Variants in SOX5 observed in about 807,000 individuals in gnomAD.
SOX5 encodes the protein transcription factor SOX-5.
In SOX5, 9 loss-of-function variants were observed where a neutral mutation model predicts 92.0. That is an observed-to-expected ratio of 0.10 (90% CI 0.06 to 0.17). The LOEUF (loss-of-function observed/expected upper bound fraction) is 0.17. Ranked by LOEUF, SOX5 falls within the 10% of genes least tolerant of loss-of-function variation. The pLI, the probability that SOX5 is intolerant of heterozygous loss-of-function variation, is 1.00. For missense variants in SOX5, 642 were observed against 944.5 expected, an observed-to-expected ratio of 0.68 and a Z score of 4.20; for synonymous variants, 344 against 336.3, an observed-to-expected ratio of 1.02 and a Z score of -0.25.
chr12:24,275,688 T>C (rs940638706), intron 3 of SOX5, among the ~76,000 whole-genome samples: 12 of 152,198 alleles, frequency 7.9e-5, no homozygotes, highest in African/African-American at 2.9e-4. Context: ...ACTGTTATGT[T>C]GGATCTGGAT....
At chr12:23,591,331 G>A (rs1951517525) in intron 9 of SOX5, among the ~76,000 whole-genome samples, 1 of 152,000 alleles carries the variant, frequency 6.6e-6, no homozygotes, top group South Asian at 2.1e-4. Flanking sequence ...ACATTAATCA[G>A]GTGTACATTT....
At chr12:23,681,468 T>C (rs1290257443) in intron 6 of SOX5, among the ~76,000 whole-genome samples, 3 of 151,838 alleles carry the variant, frequency 2.0e-5, no homozygotes, top group African/African-American at 4.8e-5. Flanking sequence ...AGAGATTGAA[T>C]ATTTTTAAAA....
At chr12:24,532,230 G>C (rs143580895) in intron 1 of SOX5, among the ~76,000 whole-genome samples, 5 of 152,186 alleles carry the variant, frequency 3.3e-5, no homozygotes, top group Non-Finnish European at 7.4e-5. Flanking sequence ...AAAAGATCTA[G>C]GTTTGGGTGG....
At chr12:24,089,705 CCT>C (rs1450974286) in intron 4 of SOX5, among the ~76,000 whole-genome samples, 1 of 152,134 alleles carries the variant, frequency 6.6e-6, no homozygotes, top group Non-Finnish European at 1.5e-5. Context: ...TATGTGCTTT[CCT>C]CTCTGGTCTA....
intron 2 of SOX5, among the ~76,000 whole-genome samples, chr12:24,288,174 T>A (rs1403310447): frequency 6.6e-6 from 1 of 152,184 alleles, no homozygotes; most frequent in African/African-American, 2.4e-5. Context: ...TTTATTGTGA[T>A]GACTTGGAGG....
chr12:24,512,985 T>C (rs1949460370), intron 1 of SOX5, among the ~76,000 whole-genome samples: 2 of 152,362 alleles, frequency 1.3e-5, no homozygotes, highest in Non-Finnish European at 1.5e-5. Flanking sequence ...GCAATACTTA[T>C]TCAGTAGAAA....
intron 1 of SOX5, among the ~76,000 whole-genome samples, chr12:24,389,876 C>G (rs771840576): frequency 1.3e-5 from 2 of 152,156 alleles, no homozygotes; most frequent in African/African-American, 2.4e-5. Flanking sequence ...CATATCATCA[C>G]CAAGACTTGT....
chr12:23,946,148 T>C (rs533195239), intron 1 of SOX5, among the ~76,000 whole-genome samples: 2 of 152,262 alleles, frequency 1.3e-5, no homozygotes, highest in Non-Finnish European at 2.9e-5. Flanking sequence ...AAGGTTTTAC[T>C]ATTGTAGTGT....
chr12:24,361,475 G>A (rs1042885926), intron 2 of SOX5, among the ~76,000 whole-genome samples: 1 of 152,194 alleles, frequency 6.6e-6, no homozygotes, highest in Admixed American at 6.5e-5. Context: ...TACTGTAGGA[G>A]GCTTAAATTA....
intron 3 of SOX5, among the ~76,000 whole-genome samples, chr12:24,232,480 A>C (rs1963596796): frequency 1.3e-5 from 2 of 152,216 alleles, no homozygotes; most frequent in Admixed American, 6.5e-5. Flanking sequence ...ATTAACCAAC[A>C]ATAAGAAAGT....
At chr12:23,985,677 A>G (rs558302804) in intron 4 of SOX5, among the ~76,000 whole-genome samples, 5 of 151,404 alleles carry the variant, frequency 3.3e-5, no homozygotes, top group Non-Finnish European at 7.4e-5. Context: ...TTTTTTTCCA[A>G]GAGGAAAAGC....
At chr12:23,594,674 A>C (rs748812030) in intron 9 of SOX5, among the ~76,000 whole-genome samples, 19 of 152,166 alleles carry the variant, frequency 1.2e-4, no homozygotes, top group South Asian at 4.1e-4. Flanking sequence ...AAATGAATAT[A>C]TTTAGAATAT....
intron 1 of SOX5, among the ~76,000 whole-genome samples, chr12:23,909,484 A>C (rs1417230730): frequency 6.6e-6 from 1 of 152,222 alleles, no homozygotes; most frequent in Non-Finnish European, 1.5e-5. Context: ...CAAAAATTGT[A>C]AAAGTGTTCA....
chr12:23,961,648 C>G (rs1418100613), intron 4 of SOX5, among the ~76,000 whole-genome samples: 6 of 152,176 alleles, frequency 3.9e-5, no homozygotes, highest in African/African-American at 1.4e-4. Context: ...CTGTAACACC[C>G]AGTAGAACAT....
intron 6 of SOX5, among the ~76,000 whole-genome samples, chr12:23,694,808 C>T (rs2089512660): frequency 6.6e-6 from 1 of 152,030 alleles, no homozygotes; most frequent in Non-Finnish European, 1.5e-5. Context: ...GCTTATTTCA[C>T]TTTGTATAAT....
chr12:23,885,258 T>C (rs112952979), intron 2 of SOX5, among the ~76,000 whole-genome samples: 4 of 152,334 alleles, frequency 2.6e-5, no homozygotes, highest in African/African-American at 9.6e-5. Flanking sequence ...ATTTTTCTTA[T>C]ACTAACAATA....
intron 1 of SOX5, among the ~76,000 whole-genome samples, chr12:24,478,281 T>C (rs182890786): frequency 2.0e-5 from 3 of 152,328 alleles, no homozygotes; most frequent in Admixed American, 1.3e-4. Flanking sequence ...GGATCAAATT[T>C]CCATTTATCC....
Position 23,604,437 on chromosome 12 carries a change from T to G in SOX5, c.1114A>C (p.Thr372Pro). The change falls in exon 9 of 15, where the codon ACC becomes CCC. Residue 372 changes from threonine to proline, a missense_variant. Transcript: ENST00000451604. ...QGNLGAAVSP[T>P]SIHTDKSTNS... ...GTGCTCTTGTCTGTGTGAATGCTGG[T>G]AGGAGATACAGCAGCACCAAGGTTG... The G allele has an allele frequency of 1.9e-6, 3 of 1,613,808 alleles. No individual in the cohort carries two copies. Among genetic ancestry groups the G allele is most frequent in the Non-Finnish European group, 2.5e-6 (3 of 1,179,800 alleles).
chr12:23,589,779 A>G (rs1386181631), intron 9 of SOX5, among the ~76,000 whole-genome samples: 1 of 152,130 alleles, frequency 6.6e-6, no homozygotes, highest in East Asian at 1.9e-4. Context: ...TATTCTACTC[A>G]TACTGCCTTA....
Sources: gnomAD v4.1 joint callset for allele counts (sites outside exome capture counted in the v4.1 genomes callset) on GRCh38, gnomAD v4.1.1 for gene constraint, MANE v1.5 for transcripts, NCBI Gene and HGNC (gene_info 2026-07-23, HGNC 2026-07-21) for gene names.